Variants in DMD observed in about 807,000 individuals in gnomAD.
DMD encodes the protein dystrophin, also known as mutant dystrophin.
In DMD, 63 loss-of-function variants were observed where a neutral mutation model predicts 330.1. The ratio of observed to expected loss-of-function variants is 0.19; its 90% CI spans 0.16 to 0.24. DMD has a LOEUF of 0.24. Among genes scored for constraint, DMD ranks in the 10% least tolerant of loss-of-function variants. The pLI is 1.00. For synonymous variants in DMD, 1,223 were observed against 959.8 expected, an observed-to-expected ratio of 1.27 and a Z score of -5.07; for missense variants, 3,344 against 2,684.1, an observed-to-expected ratio of 1.25 and a Z score of -5.43.
chrX:32,551,548 G>C (rs1439115244), intron 16 of DMD, among the ~76,000 whole-genome samples: 1 of 111,601 alleles, frequency 9.0e-6, no homozygotes, highest in Non-Finnish European at 1.9e-5. Flanking sequence ...ATGTGCAAAA[G>C]CCAGAAGCAT....
intron 1 of DMD, among the ~76,000 whole-genome samples, chrX:33,033,180 T>C (rs1373094244): frequency 4.5e-5 from 5 of 110,937 alleles, no homozygotes; most frequent in Non-Finnish European, 9.4e-5. Flanking sequence ...CTTGAGTTGC[T>C]AATACTGATG....
intron 1 of DMD, among the ~76,000 whole-genome samples, chrX:33,171,443 T>C (rs1374144734): frequency 9.0e-6 from 1 of 111,572 alleles, no homozygotes; most frequent in Non-Finnish European, 1.9e-5. Context: ...AACTAGATCC[T>C]AGCATTCTGA....
At chrX:31,699,435 C>A (rs1393088926) in intron 52 of DMD, among the ~76,000 whole-genome samples, 1 of 112,050 alleles carries the variant, frequency 8.9e-6, no homozygotes, top group East Asian at 2.8e-4. Context: ...TTCAACTTGG[C>A]AATCTTATGG....
chrX:32,570,677 G>T (rs1320230737), intron 15 of DMD, among the ~76,000 whole-genome samples: 1 of 111,485 alleles, frequency 9.0e-6, no homozygotes, highest in African/African-American at 3.3e-5. Context: ...TACTAATGTT[G>T]TAGGATACAG....
At chrX:31,483,213 A>AT (rs1203097775) in intron 57 of DMD, among the ~76,000 whole-genome samples, 8 of 106,865 alleles carry the variant, frequency 7.5e-5, no homozygotes, top group East Asian at 2.9e-4. Context: ...CGCCCAGCTA[A>AT]TTTTTTGTAT....
chrX:32,598,899 G>A (rs367957393), intron 12 of DMD, among the ~76,000 whole-genome samples: 4 of 111,782 alleles, frequency 3.6e-5, no homozygotes, highest in African/African-American at 6.5e-5. Context: ...TGAGTACAAG[G>A]AAATAAAGGA....
At chrX:32,884,301 G>C (rs925068928) in intron 2 of DMD, among the ~76,000 whole-genome samples, 9 of 111,513 alleles carry the variant, frequency 8.1e-5, no homozygotes, top group African/African-American at 1.6e-4. Context: ...TTTCCAATCA[G>C]GTAGGCAGGA....
At chrX:31,566,921 G>A (rs1453252863) in intron 55 of DMD, among the ~76,000 whole-genome samples, 3 of 111,279 alleles carry the variant, frequency 2.7e-5, no homozygotes, top group South Asian at 3.7e-4. Context: ...TAGATAATCC[G>A]TAAGTTGTGA....
chrX:32,900,736 T>C (rs1021630761), intron 2 of DMD, among the ~76,000 whole-genome samples: 43 of 111,151 alleles, frequency 3.9e-4, no homozygotes, highest in Non-Finnish European at 1.5e-4. Context: ...TGTACATCTA[T>C]AGCAAATGAA....
intron 55 of DMD, among the ~76,000 whole-genome samples, chrX:31,568,174 G>T (rs2075571974): frequency 9.0e-6 from 1 of 111,092 alleles, no homozygotes; most frequent in South Asian, 3.8e-4. Context: ...TGCTGAAGTT[G>T]CTTGGAGTCC....
chrX:32,601,084 C>T (rs1364707593), intron 12 of DMD, among the ~76,000 whole-genome samples: 1 of 111,135 alleles, frequency 9.0e-6, no homozygotes, highest in Non-Finnish European at 1.9e-5. Context: ...CCCATTCCTT[C>T]TACCACCTCT....
intron 11 of DMD, among the ~76,000 whole-genome samples, chrX:32,622,106 A>G (rs747993228): frequency 9.0e-6 from 1 of 111,494 alleles, no homozygotes; most frequent in Admixed American, 9.5e-5. Context: ...GGAGATTACT[A>G]TGAATTATTT....
In DMD at chrX:31,996,816, G is replaced by C. The variant is rs148505059; in HGVS notation, c.6439-28302C>G. Among the ~76,000 whole-genome samples, 581 of 111,081 alleles carry C rather than the reference G, an allele frequency of 5.2e-3. 4 individuals carry two copies. The highest frequency in any genetic ancestry group is 0.017 in the African/African-American group (535 of 30,595). On this transcript the variant is annotated intron_variant, in intron 44 of 78. Coordinates refer to ENST00000357033, the MANE Select transcript of DMD (RefSeq NM_004006.3). Reference sequence around the variant, plus strand: ...TGAGTGAACAATGAATGTAGAAGTAGATAATAAGCCAGGATAATAAGTGAT... The same window carrying C: ...TGAGTGAACAATGAATGTAGAAGTACATAATAAGCCAGGATAATAAGTGAT...
At chrX:33,122,593 TCTTAA>T (rs1224787610) in intron 1 of DMD, among the ~76,000 whole-genome samples, 1 of 112,364 alleles carries the variant, frequency 8.9e-6, no homozygotes, top group African/African-American at 3.2e-5. Context: ...AAAATCTGAC[TCTTAA>T]CTTTCAAAAA....
intron 48 of DMD, among the ~76,000 whole-genome samples, chrX:31,874,232 G>A (rs938484116): frequency 9.0e-6 from 1 of 111,287 alleles, no homozygotes; most frequent in African/African-American, 3.3e-5. Flanking sequence ...ATTTAAAGAA[G>A]AGAGAAAACC....
intron 2 of DMD, among the ~76,000 whole-genome samples, chrX:32,953,027 C>T (rs976260145): frequency 1.9e-5 from 2 of 106,597 alleles, no homozygotes; most frequent in Non-Finnish European, 3.8e-5. Context: ...CCCAGCTACT[C>T]GGGAGGCTGA....
At chrX:31,496,285 GGATATTT>G (rs1483681786) in intron 57 of DMD, among the ~76,000 whole-genome samples, 4 of 112,033 alleles carry the variant, frequency 3.6e-5, no homozygotes, top group African/African-American at 1.3e-4. Flanking sequence ...AATATGGACT[GGATATTT>G]GATATGATGA....
intron 1 of DMD, among the ~76,000 whole-genome samples, chrX:33,197,351 G>A (rs1411456635): frequency 1.8e-5 from 2 of 112,091 alleles, no homozygotes. Context: ...TATAACTATA[G>A]TACAATATAA....
intron 2 of DMD, among the ~76,000 whole-genome samples, chrX:32,909,827 A>G (rs2087064660): frequency 8.9e-6 from 1 of 112,149 alleles, no homozygotes; most frequent in African/African-American, 3.2e-5. Context: ...CATTCTTACT[A>G]TTTTTAACTA....
Sources: allele counts gnomAD v4.1 joint callset (sites outside exome capture counted in the v4.1 genomes callset), GRCh38; gene constraint gnomAD v4.1.1; transcripts MANE v1.5; gene names NCBI Gene and HGNC (gene_info 2026-07-23, HGNC 2026-07-21).